Variants in DNAH5 observed in about 807,000 individuals in gnomAD.
DNAH5 encodes axonemal beta dynein heavy chain 5.
In DNAH5, 372 loss-of-function variants were observed where a neutral mutation model predicts 518.2. That is an observed-to-expected ratio of 0.72 (90% confidence interval 0.66 to 0.78). DNAH5 has a LOEUF of 0.78. DNAH5 is among the 30% of genes least tolerant of loss of function. The pLI, the probability that DNAH5 is intolerant of heterozygous loss-of-function variation, is 0.00. For missense variants in DNAH5, 5,523 were observed against 5,687.0 expected, an observed-to-expected ratio of 0.97 and a Z score of 0.93; for synonymous variants, 2,039 against 2,025.9, an observed-to-expected ratio of 1.01 and a Z score of -0.17.
At chr5:13,924,143 C>G (rs1777615504) in intron 3 of DNAH5, among the ~76,000 whole-genome samples, 1 of 152,178 alleles carries the variant, frequency 6.6e-6, no homozygotes, top group Admixed American at 6.5e-5. Flanking sequence ...GACTACAAAA[C>G]TCGGAACCCC....
rs2083185551 is a variant in DNAH5, at chr5:13,718,929, T to C, written c.12452A>G (p.Asn4151Ser). 1 of 1,614,174 alleles carries C rather than the reference T, an allele frequency of 6.2e-7. No individual in the cohort carries two copies. Among genetic ancestry groups the C allele is most frequent in the Non-Finnish European group, 8.5e-7 (1 of 1,180,002 alleles). ...TLLQMSIKFANDPPQGLRAGL... is the reference protein window; with the variant it reads ...TLLQMSIKFASDPPQGLRAGL... ...TGCCCGGAGTCCTTGTGGAGGATCG[T>C]TGGCAAATTTAATGGACATCTGAAG... Residue 4151 changes from asparagine to serine, a missense_variant, in exon 72 of 79, where the codon AAC becomes AGC. This residue lies in a region of DNAH5 where 5,121 missense variants were observed against 5,223.3 expected (regional missense o/e 0.98). Transcript: ENST00000265104.
chr5:13,959,033 A>T (rs1780966594), intron 1 of DNAH5, among the ~76,000 whole-genome samples: 1 of 152,180 alleles, frequency 6.6e-6, no homozygotes, highest in Non-Finnish European at 1.5e-5. Flanking sequence ...ATCTTGGCTC[A>T]CTGCAACCTC....
chr5:13,829,874 T>C, intron 37 of DNAH5, 152 bp downstream of exon 37: 1 of 1,071,634 alleles, frequency 9.3e-7, no homozygotes, highest in Non-Finnish European at 1.4e-6. Flanking sequence ...GCTATTCATA[T>C]GATCTTTGCT....
intron 65 of DNAH5, among the ~76,000 whole-genome samples, chr5:13,749,272 T>C (rs1005715469): frequency 2.0e-5 from 3 of 152,172 alleles, no homozygotes; most frequent in African/African-American, 7.2e-5. Context: ...GTCACATTAT[T>C]CTGGCTGATC....
In DNAH5 at chr5:13,731,405, T is replaced by C. The variant is rs1278270241; in HGVS notation, c.11762-1845A>G. On this transcript the variant is annotated intron_variant, in intron 68 of 78. Transcript: ENST00000265104. ...AAGGCTATTCACAGAAAGGAAAGAG[T>C]GTTCCTCGCGGGCCAGAGTATTATT... Among the ~76,000 whole-genome samples the C allele has an allele frequency of 2.6e-5, 4 of 152,058 alleles. No individual in the cohort carries two copies. The East Asian group carries it at 7.7e-4, about 29-fold the overall frequency.
chr5:13,901,710 G>A lies in DNAH5; in HGVS notation c.1731-137C>T, dbSNP rs185733420. ...TGGAAAAGAATGAGATATTTACATG[G>A]AATATTAAAAGAATAAAAATAAAAC... On this transcript the variant is annotated intron_variant, in intron 13 of 78. Transcript: ENST00000265104. The A allele has an allele frequency of 8.3e-4, 516 of 619,872 alleles. 4 individuals are homozygous for A. The African/African-American group carries it at 9.0e-3, about 11-fold the overall frequency. 38.4% of individuals were successfully genotyped at this position (619,872 alleles called of 1,614,324 possible). A position where few individuals can be genotyped will look rare whatever the true frequency, so the allele number is the denominator to read the frequency against.
Position 13,830,657 on chromosome 5 carries a change from C to G in DNAH5, c.6001G>C (p.Val2001Leu). The change falls in exon 36 of 79, where the codon GTC (valine) becomes CTC (leucine). Residue 2001 changes from valine (V) to leucine (L), a missense_variant. This residue lies in a region of DNAH5 where 5,121 missense variants were observed against 5,223.3 expected (regional missense o/e 0.98). Transcript: ENST00000265104. ...TGGTCTGAACAATTGAAAACCACGA[C>G]GTATTTCCCGAGGCATCGTCCCATG... Reference protein sequence around the residue: ...KDMGRCLGKYVVVFNCSDQMD... With the variant: ...KDMGRCLGKYLVVFNCSDQMD... 6.2e-7 allele frequency: 1 copy of G among 1,614,174 alleles called. No individual in the cohort carries two copies.
At chr5:13,836,945 G>C (rs1160332330) in intron 35 of DNAH5, among the ~76,000 whole-genome samples, 1 of 152,222 alleles carries the variant, frequency 6.6e-6, no homozygotes, top group Non-Finnish European at 1.5e-5. Flanking sequence ...ATGAGGGAAG[G>C]AGTCAGGATC....
intron 78 of DNAH5, among the ~76,000 whole-genome samples, chr5:13,695,155 T>C (rs1373858651): frequency 2.0e-5 from 3 of 152,198 alleles, no homozygotes; most frequent in Non-Finnish European, 4.4e-5. Context: ...ACTAGAAACC[T>C]GAGTTCAATT....
At chr5:13,713,434 CATATATATAT>C (rs200836910) in intron 75 of DNAH5, among the ~76,000 whole-genome samples, 31 of 70,654 alleles carry the variant, frequency 4.4e-4, no homozygotes, top group East Asian at 3.9e-3. Context: ...TATACATCGA[CATATATATAT>C]ATATATATAT....
chr5:13,720,418 G>C (rs1354962848), intron 71 of DNAH5, among the ~76,000 whole-genome samples: 1 of 152,184 alleles, frequency 6.6e-6, no homozygotes. Context: ...TGGTTTTTGA[G>C]AAAGTGTCTT....
intron 61 of DNAH5, 135 bp from the exon 62 acceptor site, chr5:13,754,473 G>T: frequency 1.0e-6 from 1 of 1,000,936 alleles, no homozygotes; most frequent in Non-Finnish European, 1.6e-6. Context: ...AGAAGCATGA[G>T]ATTCTATTTC....
chr5:13,714,166 A>G (rs988735586), intron 75 of DNAH5, among the ~76,000 whole-genome samples: 2 of 152,252 alleles, frequency 1.3e-5, no homozygotes, highest in African/African-American at 4.8e-5. Flanking sequence ...ACACACCTGT[A>G]AATCAATCAT....
chr5:13,738,424 G>A (rs577922643), intron 65 of DNAH5, among the ~76,000 whole-genome samples: 46 of 152,236 alleles, frequency 3.0e-4, no homozygotes, highest in African/African-American at 9.6e-4. Flanking sequence ...ACTACTCTCC[G>A]AAATCTTAGG....
In DNAH5 at chr5:13,758,752, T is replaced by C. The variant is rs143887667; in HGVS notation, c.10419+94A>G. ...CATTATGTGCTATGTATGTATTATG[T>C]ATAAATTCAGTGAAACCCCACAAGA... On this transcript the variant is annotated intron_variant, in intron 61 of 78. Coordinates refer to ENST00000265104, the MANE Select transcript of DNAH5 (RefSeq NM_001369.3). The C allele has an allele frequency of 3.3e-4, 516 of 1,564,998 alleles. 2 individuals carry two copies. In the African/African-American group the frequency reaches 6.6e-3, roughly 20 times the overall value.
chr5:13,817,598 G>A lies in DNAH5; in HGVS notation c.6938C>T (p.Thr2313Ile). 2 of 1,614,174 alleles carry A rather than the reference G, an allele frequency of 1.2e-6. No homozygotes were observed. Among genetic ancestry groups the A allele is most frequent in the Non-Finnish European group, 1.7e-6 (2 of 1,180,020 alleles). ...GRLDVATNDW[T>I]DGIFSTLWRK... ...CCAAAGCGTAGAAAATATCCCATCA[G>A]TCCAGTCATTTGTGGCAACGTCCAG... Residue 2313 changes from threonine to isoleucine, a missense_variant, in exon 42 of 79, where the codon ACT (threonine) becomes ATT (isoleucine). This residue lies in a region of DNAH5 where 5,121 missense variants were observed against 5,223.3 expected (regional missense o/e 0.98). Transcript: ENST00000265104.
chr5:13,741,790 G>A (rs1748585122), intron 65 of DNAH5, among the ~76,000 whole-genome samples: 1 of 152,128 alleles, frequency 6.6e-6, no homozygotes, highest in South Asian at 2.1e-4. Flanking sequence ...TGATGGTTTT[G>A]ACATCAGGAA....
At chr5:13,724,554 C>T (rs1745468234) in intron 70 of DNAH5, among the ~76,000 whole-genome samples, 1 of 152,140 alleles carries the variant, frequency 6.6e-6, no homozygotes, top group Non-Finnish European at 1.5e-5. Flanking sequence ...GTAAGAAGGA[C>T]ATGGGATTTG....
At chr5:13,929,200 C>T (rs1025219225) in intron 2 of DNAH5, among the ~76,000 whole-genome samples, 5 of 152,188 alleles carry the variant, frequency 3.3e-5, no homozygotes, top group African/African-American at 9.7e-5. Flanking sequence ...ATGAACCTTG[C>T]AAACCTTACA....
Sources: allele counts gnomAD v4.1 joint callset (sites outside exome capture counted in the v4.1 genomes callset), GRCh38; gene constraint gnomAD v4.1.1; regional missense constraint gnomAD v4.1.1; transcripts MANE v1.5; gene names NCBI Gene and HGNC (gene_info 2026-07-23, HGNC 2026-07-21).